The following EBF1 variants were observed in gnomAD, a reference collection of about 807,000 sequenced individuals.
EBF1 encodes EBF transcription factor 1.
A neutral mutation model predicts 68.4 loss-of-function variants in EBF1; 10 were observed. That is an observed-to-expected ratio of 0.15 (90% CI 0.09 to 0.25). EBF1 has a LOEUF of 0.25. Among genes scored for constraint, EBF1 ranks in the 10% least tolerant of loss-of-function variants. The pLI is 1.00. For synonymous variants in EBF1, 298 were observed against 299.8 expected, an observed-to-expected ratio of 0.99 and a Z score of 0.06; for missense variants, 509 against 794.4, an observed-to-expected ratio of 0.64 and a Z score of 4.32.
chr5:158,893,593 T>C (rs1388251157), intron 6 of EBF1, among the ~76,000 whole-genome samples: 2 of 152,210 alleles, frequency 1.3e-5, no homozygotes. Context: ...ATTTATTACA[T>C]GAAGAATCTG....
chr5:159,008,444 C>T (rs1763986584), intron 6 of EBF1, among the ~76,000 whole-genome samples: 1 of 139,126 alleles, frequency 7.2e-6, no homozygotes, highest in Admixed American at 7.2e-5. Flanking sequence ...GAAAATACAC[C>T]TCAAATGCAT....
intron 10 of EBF1, among the ~76,000 whole-genome samples, chr5:158,747,953 T>G (rs887541708): frequency 1.3e-5 from 2 of 152,194 alleles, no homozygotes; most frequent in Non-Finnish European, 2.9e-5. Flanking sequence ...AGGCTGTCAC[T>G]ATTGTTCACT....
chr5:158,859,853 A>C (rs1794675729), intron 6 of EBF1, among the ~76,000 whole-genome samples: 1 of 152,170 alleles, frequency 6.6e-6, no homozygotes, highest in East Asian at 1.9e-4. Context: ...TCGGTCACTT[A>C]TTACCTTGTA....
At position 158,932,633 on chromosome 5, in the gene EBF1, T is replaced by C. The variant is rs1811134766; in HGVS notation, c.555-92523A>G. Reference sequence around the variant, plus strand: ...CCAGATGTTATTAGAAGTTTTATATTATGGTATAATTTATATCATTACATA... The same window carrying C: ...CCAGATGTTATTAGAAGTTTTATATCATGGTATAATTTATATCATTACATA... On this transcript the variant is annotated intron_variant, in intron 6 of 15. Coordinates refer to ENST00000313708, the MANE Select transcript of EBF1 (RefSeq NM_024007.5). Among the ~76,000 whole-genome samples, 6 of 152,338 alleles carry C rather than the reference T, an allele frequency of 3.9e-5. No homozygotes were observed. In the South Asian group the frequency reaches 1.2e-3, roughly 32 times the overall value.
intron 5 of EBF1, among the ~76,000 whole-genome samples, chr5:159,084,407 C>T (rs1156908122): frequency 1.3e-5 from 2 of 152,192 alleles, no homozygotes; most frequent in Middle Eastern, 3.4e-3. Context: ...GAAGGCAGTG[C>T]TTTGTGCCCA....
chr5:158,707,266 G>A (rs1758055718), intron 15 of EBF1, among the ~76,000 whole-genome samples: 2 of 152,182 alleles, frequency 1.3e-5, no homozygotes, highest in African/African-American at 2.4e-5. Flanking sequence ...AAGAAATGGT[G>A]TGCTCAGTTT....
chr5:158,889,055 G>T (rs769291100), intron 6 of EBF1, among the ~76,000 whole-genome samples: 1 of 151,970 alleles, frequency 6.6e-6, no homozygotes, highest in East Asian at 1.9e-4. Context: ...CCCCACATAT[G>T]TTCCCCACTG....
intron 10 of EBF1, among the ~76,000 whole-genome samples, chr5:158,756,049 C>A (rs899859444): frequency 1.3e-5 from 2 of 152,138 alleles, no homozygotes; most frequent in Admixed American, 1.3e-4. Context: ...AGCTCAGCAG[C>A]AAACCTTACT....
intron 10 of EBF1, among the ~76,000 whole-genome samples, chr5:158,737,580 G>A (rs1765494002): frequency 6.6e-6 from 1 of 151,986 alleles, no homozygotes; most frequent in Admixed American, 6.6e-5. Context: ...CACCGCGTCC[G>A]ATCACCCTGA....
intron 10 of EBF1, among the ~76,000 whole-genome samples, chr5:158,736,936 C>T (rs139138331): frequency 1.3e-5 from 2 of 152,194 alleles, no homozygotes; most frequent in Non-Finnish European, 2.9e-5. Context: ...GCATTTCCAG[C>T]CATTTGGATA....
chr5:158,778,056 G>A (rs1265399645), intron 9 of EBF1, among the ~76,000 whole-genome samples: 2 of 152,064 alleles, frequency 1.3e-5, no homozygotes, highest in African/African-American at 2.4e-5. Flanking sequence ...AGCTTTACAG[G>A]GGAAAGCAAA....
At chr5:158,749,174 T>C (rs890292700) in intron 10 of EBF1, among the ~76,000 whole-genome samples, 1 of 152,080 alleles carries the variant, frequency 6.6e-6, no homozygotes, top group Non-Finnish European at 1.5e-5. Flanking sequence ...GGTGCAAGAG[T>C]ATGTATCTCT....
chr5:158,705,996 A>T (rs145236644), intron 15 of EBF1, among the ~76,000 whole-genome samples: 14 of 152,332 alleles, frequency 9.2e-5, no homozygotes, highest in African/African-American at 3.4e-4. Context: ...TATGATCATT[A>T]TTTAAACCTA....
At chr5:159,086,042 C>A (rs529021038) in intron 4 of EBF1, among the ~76,000 whole-genome samples, 6 of 152,222 alleles carry the variant, frequency 3.9e-5, no homozygotes, top group African/African-American at 1.2e-4. Flanking sequence ...ATCGAAACCA[C>A]TTTTTATGGC....
At chr5:159,007,142 C>T (rs1401351249) in intron 6 of EBF1, among the ~76,000 whole-genome samples, 1 of 151,756 alleles carries the variant, frequency 6.6e-6, no homozygotes, top group Non-Finnish European at 1.5e-5. Context: ...AGAACCCAGG[C>T]AATTAGTTAT....
At chr5:158,967,677 G>A (rs549175922) in intron 6 of EBF1, among the ~76,000 whole-genome samples, 1 of 152,296 alleles carries the variant, frequency 6.6e-6, no homozygotes, top group African/African-American at 2.4e-5. Flanking sequence ...GTGGTTTTGG[G>A]GAATGGGGAA....
intron 6 of EBF1, among the ~76,000 whole-genome samples, chr5:158,932,592 C>A (rs1583272056): frequency 1.3e-5 from 2 of 151,932 alleles, no homozygotes; most frequent in Non-Finnish European, 2.9e-5. Context: ...AATAATATGT[C>A]TTTTTTAGAA....
intron 10 of EBF1, among the ~76,000 whole-genome samples, chr5:158,754,516 A>G (rs1167106481): frequency 6.6e-6 from 1 of 152,158 alleles, no homozygotes; most frequent in African/African-American, 2.4e-5. Flanking sequence ...AATCCACACA[A>G]GGCCATCTTG....
intron 5 of EBF1, 96 bp downstream of exon 5, chr5:159,084,570 C>CT: frequency 2.1e-6 from 2 of 934,596 alleles, no homozygotes; most frequent in South Asian, 2.4e-5. Context: ...CAAATGTGTA[C>CT]CAAAAAAAAA....
Sources: gnomAD v4.1 joint callset for allele counts (sites outside exome capture counted in the v4.1 genomes callset) on GRCh38, gnomAD v4.1.1 for gene constraint, MANE v1.5 for transcripts, NCBI Gene and HGNC (gene_info 2026-07-23, HGNC 2026-07-21) for gene names.